PARD3: variants seen among roughly 807,000 people sequenced by gnomAD.
PARD3 encodes par-3 family cell polarity regulator.
A neutral mutation model predicts 155.4 loss-of-function variants in PARD3; 75 were observed. The observed-to-expected ratio is 0.48, with a 90% CI of 0.40 to 0.58. The LOEUF is 0.58. Among genes scored for constraint, PARD3 ranks in the 20% least tolerant of loss-of-function variants. PARD3 has a pLI of 0.00. For synonymous variants in PARD3, 576 were observed against 610.5 expected, an observed-to-expected ratio of 0.94 and a Z score of 0.83; for missense variants, 1,642 against 1,721.7, an observed-to-expected ratio of 0.95 and a Z score of 0.82.
intron 20 of PARD3, among the ~76,000 whole-genome samples, chr10:34,310,876 G>A (rs2134085513): frequency 6.6e-6 from 1 of 152,290 alleles, no homozygotes; most frequent in South Asian, 2.1e-4. Flanking sequence ...GCTGTTCTTT[G>A]TCCAGGTGAC....
At position 34,669,626 on chromosome 10, in the gene PARD3, C is replaced by T. The variant is rs2093571731; in HGVS notation, c.222+26692G>A. Among the ~76,000 whole-genome samples, 3 of 151,904 alleles carry T rather than the reference C, an allele frequency of 2.0e-5. No individual in the cohort carries two copies. The South Asian group carries it at 6.3e-4, about 32-fold the overall frequency. The stretch of plus-strand genomic sequence containing the variant: ...ATTAAAAAAAAACAGAAAAAATTAC[C>T]TTACCTACTAACAAAATTATGCACC... On this transcript the variant is annotated intron_variant, in intron 2 of 24. Transcript: ENST00000374788.
At chr10:34,177,098 T>C (rs1950065322) in intron 22 of PARD3, among the ~76,000 whole-genome samples, 1 of 152,072 alleles carries the variant, frequency 6.6e-6, no homozygotes, top group Non-Finnish European at 1.5e-5. Flanking sequence ...AAGGAACCTA[T>C]ACTATTATTT....
At chr10:34,715,520 C>G (rs11598077) in intron 1 of PARD3, among the ~76,000 whole-genome samples, 4,674 of 152,268 alleles carry the variant, frequency 0.031, 90 homozygotes, top group Middle Eastern at 0.088. Context: ...GGAAAGCCAT[C>G]CCTACCCCTT....
At chr10:34,333,168 T>C (rs1835798880) in intron 18 of PARD3, among the ~76,000 whole-genome samples, 1 of 152,140 alleles carries the variant, frequency 6.6e-6, no homozygotes, top group Non-Finnish European at 1.5e-5. Context: ...TGTATGTGAG[T>C]ATATATCATG....
chr10:34,304,052 G>A (rs1230350459), intron 20 of PARD3, among the ~76,000 whole-genome samples: 1 of 152,154 alleles, frequency 6.6e-6, no homozygotes, highest in Admixed American at 6.5e-5. Context: ...AGAGCCGGAG[G>A]AAAGAGGGCA....
At chr10:34,617,746 T>C (rs1451493659) in intron 2 of PARD3, among the ~76,000 whole-genome samples, 17 of 152,104 alleles carry the variant, frequency 1.1e-4, no homozygotes, top group Admixed American at 1.1e-3. Flanking sequence ...GAGACATGAG[T>C]AGGCAGCCTT....
chr10:34,384,249 A>G lies in PARD3; in HGVS notation c.896T>C (p.Leu299Pro). Residue 299 changes from leucine to proline, a missense_variant, in exon 8 of 25, where the codon CTG becomes CCG. Around this residue, in one of 3 missense-constraint regions of PARD3, gnomAD observed 1,529 missense variants for 1,587.3 expected, o/e 0.96. Transcript: ENST00000374788. ...CTCCAATCGTTTTACTAATAACCCC[A>G]GGGTTCTGGAACATTAAGAATGCAA... ...VPFSARGGRT[L>P]GLLVKRLEKG... 6.2e-7 allele frequency: 1 copy of G among 1,613,382 alleles called. No individual in the cohort carries two copies. The highest frequency in any genetic ancestry group is 8.5e-7 in the Non-Finnish European group (1 of 1,179,730).
At chr10:34,425,617 G>C (rs771245499) in intron 5 of PARD3, among the ~76,000 whole-genome samples, 6 of 152,048 alleles carry the variant, frequency 3.9e-5, no homozygotes, top group Non-Finnish European at 7.4e-5. Context: ...GGCTTGTCTT[G>C]AACTCCTGGG....
chr10:34,446,797 T>C (rs185650011), intron 5 of PARD3, among the ~76,000 whole-genome samples: 251 of 152,314 alleles, frequency 1.6e-3, no homozygotes, highest in African/African-American at 5.7e-3. Flanking sequence ...CTGTCCCTTT[T>C]TGCTGTTTCA....
chr10:34,465,243 C>A (rs1185170958), intron 4 of PARD3, among the ~76,000 whole-genome samples: 1 of 152,050 alleles, frequency 6.6e-6, no homozygotes, highest in Non-Finnish European at 1.5e-5. Context: ...GACACAGAAG[C>A]CTGATGGCAT....
Position 34,605,896 on chromosome 10 carries a change from A to ATCTCCTATATATATC in PARD3, c.223-88738_223-88737insGATATATATAGGAGA, listed in dbSNP as rs2090343298. On this transcript the variant is annotated intron_variant, in intron 2 of 24. Coordinates refer to ENST00000374788, the MANE Select transcript of PARD3 (RefSeq NM_001184785.2). ...CTATATATATATCTCCTATATATAT[A>ATCTCCTATATATATC]TCTCCTATATATATATCTCCTATAT... Among the ~76,000 whole-genome samples, 6 of 98,976 alleles carry ATCTCCTATATATATC rather than the reference A, an allele frequency of 6.1e-5. 1 individual carries two copies. Among genetic ancestry groups the ATCTCCTATATATATC allele is most frequent in the African/African-American group, 2.6e-4 (6 of 23,236 alleles). The allele number at this position is 98,976 out of a possible 152,430, so 64.9% of individuals were successfully genotyped here.
intron 22 of PARD3, among the ~76,000 whole-genome samples, chr10:34,264,869 C>T (rs1343273248): frequency 1.3e-5 from 2 of 152,026 alleles, no homozygotes; most frequent in East Asian, 3.9e-4. Context: ...CCTGCCCTGG[C>T]CTCCCGAGTA....
At chr10:34,713,300 G>C (rs2094473551) in intron 1 of PARD3, among the ~76,000 whole-genome samples, 1 of 149,570 alleles carries the variant, frequency 6.7e-6, no homozygotes, top group East Asian at 1.9e-4. Context: ...TCTTAGAACA[G>C]AAAAAAAAAT....
In PARD3 at chr10:34,573,090, C is replaced by T. The variant is rs117273293; in HGVS notation, c.223-55931G>A. On this transcript the variant is annotated intron_variant, in intron 2 of 24. Coordinates refer to ENST00000374788, the MANE Select transcript of PARD3 (RefSeq NM_001184785.2). The stretch of plus-strand genomic sequence containing the variant: ...CAAGGATAAGTCAGGTGATGGCTCA[C>T]ATCTGTAATGCCAGCACTTTGGGAG... Among the ~76,000 whole-genome samples, 854 of 152,292 alleles carry T rather than the reference C, an allele frequency of 5.6e-3. 5 individuals carry two copies. The highest frequency in any genetic ancestry group is 9.7e-3 in the Non-Finnish European group (660 of 68,030).
chr10:34,764,429 T>C (rs572606081), intron 1 of PARD3, among the ~76,000 whole-genome samples: 4 of 152,220 alleles, frequency 2.6e-5, no homozygotes, highest in Non-Finnish European at 5.9e-5. Flanking sequence ...GAGTCCTTCC[T>C]CATCTTTGAG....
chr10:34,573,342 T>A (rs2086588178), intron 2 of PARD3, among the ~76,000 whole-genome samples: 1 of 151,140 alleles, frequency 6.6e-6, no homozygotes, highest in Non-Finnish European at 1.5e-5. Context: ...GGCAACAGAG[T>A]AAGACCCTGT....
chr10:34,683,285 T>C (rs2093880911), intron 2 of PARD3, among the ~76,000 whole-genome samples: 1 of 151,864 alleles, frequency 6.6e-6, no homozygotes, highest in African/African-American at 2.4e-5. Context: ...ATTTACCGGG[T>C]ACTACACTCA....
At chr10:34,461,576 A>G (rs2077655339) in intron 4 of PARD3, among the ~76,000 whole-genome samples, 1 of 152,184 alleles carries the variant, frequency 6.6e-6, no homozygotes, top group Non-Finnish European at 1.5e-5. Flanking sequence ...ACTGCATTCC[A>G]GCCTGGGCGA....
At chr10:34,488,065 C>T (rs952150735) in intron 3 of PARD3, among the ~76,000 whole-genome samples, 3 of 152,064 alleles carry the variant, frequency 2.0e-5, no homozygotes, top group Non-Finnish European at 4.4e-5. Flanking sequence ...TTTCTCTTAC[C>T]TGGGGACTAG....
Sources: allele counts gnomAD v4.1 joint callset (sites outside exome capture counted in the v4.1 genomes callset), GRCh38; gene constraint gnomAD v4.1.1; regional missense constraint gnomAD v4.1.1; transcripts MANE v1.5; gene names NCBI Gene and HGNC (gene_info 2026-07-23, HGNC 2026-07-21).